CCM2: variants seen among roughly 807,000 people sequenced by gnomAD.
CCM2 encodes cerebral cavernous malformations 2 protein.
Under a neutral mutation model 44.9 loss-of-function variants are expected in CCM2, and 25 were observed. That is an observed-to-expected ratio of 0.56 (90% CI 0.41 to 0.78). The LOEUF is 0.78. Ranked by LOEUF, CCM2 falls within the 30% of genes least tolerant of loss-of-function variation. CCM2 has a pLI of 0.00. For missense variants in CCM2, 481 were observed against 580.6 expected (o/e 0.83, Z 1.76); for synonymous variants, 219 against 241.1 (o/e 0.91, Z 0.85).
chr7:45,046,251 A>G (rs1797749441), intron 2 of CCM2, among the ~76,000 whole-genome samples: 2 of 152,250 alleles, frequency 1.3e-5, no homozygotes, highest in Non-Finnish European at 2.9e-5. Flanking sequence ...ATTTCAAGCT[A>G]TTCTTGAAAT....
intron 2 of CCM2, among the ~76,000 whole-genome samples, chr7:45,058,699 G>C (rs1798381385): frequency 6.6e-6 from 1 of 152,018 alleles, no homozygotes; most frequent in South Asian, 2.1e-4. Context: ...ATGGGTGTTA[G>C]ATTTGTCAAA....
intron 1 of CCM2, among the ~76,000 whole-genome samples, chr7:45,037,061 A>T (rs575221384): frequency 6.6e-6 from 1 of 152,068 alleles, no homozygotes; most frequent in Non-Finnish European, 1.5e-5. Context: ...GCTGCACATC[A>T]GTGTCTTGTT....
intron 2 of CCM2, chr7:45,062,969 T>C (rs1375770170): frequency 6.6e-6 from 1 of 152,048 alleles, no homozygotes; most frequent in Admixed American, 6.6e-5. Context: ...GTCAAATTCA[T>C]CCTTTCATCA....
In CCM2 at chr7:45,000,311, CCGCG is replaced by C; in HGVS notation, c.-22_-19del. ...GGGCTCCCGGGGCGGGCCGGGCGGG[CCGCG>C]GGAGCCGCACGCGGCGATATGGAAG... is the stretch of plus-strand genomic sequence containing the variant. On this transcript the variant is annotated 5_prime_UTR_variant, in exon 1 of 10. Coordinates refer to ENST00000258781, the MANE Select transcript of CCM2 (RefSeq NM_031443.4). The C allele has an allele frequency of 8.0e-7, 1 of 1,255,976 alleles. No homozygotes were observed. Among genetic ancestry groups the C allele is most frequent in the African/African-American group, 1.6e-5 (1 of 63,422 alleles). The allele number at this position is 1,255,976 out of a possible 1,614,324, so 77.8% of individuals were successfully genotyped here. A position where few individuals can be genotyped will look rare whatever the true frequency, so the allele number is the denominator to read the frequency against.
At chr7:45,047,046 G>T (rs1261788296) in intron 2 of CCM2, among the ~76,000 whole-genome samples, 1 of 152,150 alleles carries the variant, frequency 6.6e-6, no homozygotes, top group Non-Finnish European at 1.5e-5. Flanking sequence ...CTAACAGAAT[G>T]TTTAAAAAAA....
intron 1 of CCM2, among the ~76,000 whole-genome samples, chr7:45,013,289 G>A (rs751026799): frequency 4.0e-5 from 6 of 151,420 alleles, no homozygotes; most frequent in Non-Finnish European, 5.9e-5. Context: ...CTTTCTATAC[G>A]TGTTATAAAT....
chr7:45,049,046 C>G (rs1225795446), intron 2 of CCM2, among the ~76,000 whole-genome samples: 1 of 152,200 alleles, frequency 6.6e-6, no homozygotes, highest in East Asian at 1.9e-4. Context: ...GCTTCAACTT[C>G]CCTGGGCTCA....
intron 1 of CCM2, among the ~76,000 whole-genome samples, chr7:45,010,454 A>C (rs950361906): frequency 6.6e-6 from 1 of 152,128 alleles, no homozygotes; most frequent in Non-Finnish European, 1.5e-5. Context: ...TTGTGCAGGG[A>C]TCACTGTACT....
At chr7:45,004,260 G>A (rs1469543028) in intron 1 of CCM2, among the ~76,000 whole-genome samples, 1 of 152,078 alleles carries the variant, frequency 6.6e-6, no homozygotes, top group Admixed American at 6.6e-5. Context: ...AATTTTGTTG[G>A]GTATGATAAT....
In CCM2 at chr7:45,068,983, G is replaced by A. The variant is rs551707225; in HGVS notation, c.609+404G>A. Among the ~76,000 whole-genome samples the A allele has an allele frequency of 3.9e-5, 6 of 152,298 alleles. No individual in the cohort carries two copies. In the South Asian group the frequency reaches 8.3e-4, roughly 21 times the overall value. ...GCCCCCACGCTGATGGGCGGGCAGCGGCGGTCACCTGTGCATCCTAGACCT... is the reference window on the plus strand; with the variant it reads ...GCCCCCACGCTGATGGGCGGGCAGCAGCGGTCACCTGTGCATCCTAGACCT... On this transcript the variant is annotated intron_variant, in intron 5 of 9. Transcript: ENST00000258781.
chr7:45,058,233 A>C (rs1240349766), intron 2 of CCM2, among the ~76,000 whole-genome samples: 1 of 152,206 alleles, frequency 6.6e-6, no homozygotes, highest in Non-Finnish European at 1.5e-5. Flanking sequence ...GTTAAATCAT[A>C]GTGATAAGAG....
At chr7:45,073,270 G>T in intron 7 of CCM2, 190 bp from the exon 8 acceptor site, 1 of 628,890 alleles carries the variant, frequency 1.6e-6, no homozygotes, top group Non-Finnish European at 2.9e-6. Flanking sequence ...CCCCCGGGGA[G>T]CCCCAGGACC....
intron 4 of CCM2, among the ~76,000 whole-genome samples, chr7:45,065,067 G>C (rs1163203779): frequency 6.6e-6 from 1 of 152,150 alleles, no homozygotes; most frequent in African/African-American, 2.4e-5. Context: ...GGACAGAAAA[G>C]ATGAGACCCA....
chr7:45,021,433 A>G (rs907614687), intron 1 of CCM2, among the ~76,000 whole-genome samples: 1 of 151,604 alleles, frequency 6.6e-6, no homozygotes, highest in Non-Finnish European at 1.5e-5. Flanking sequence ...GCATGGTGAC[A>G]CATGCCTGTA....
chr7:45,029,922 T>C (rs1328203116), intron 1 of CCM2, among the ~76,000 whole-genome samples: 3 of 152,238 alleles, frequency 2.0e-5, no homozygotes, highest in African/African-American at 7.2e-5. Context: ...TGTAAGAATT[T>C]GTAAGGATCT....
In CCM2 at chr7:45,000,218, C is replaced by A; in HGVS notation, c.-116C>A. On this transcript the variant is annotated 5_prime_UTR_variant, in exon 1 of 10. In the 5' UTR this introduces an upstream ATG that the reference lacks. Coordinates refer to ENST00000258781, the MANE Select transcript of CCM2 (RefSeq NM_031443.4). ...GCCGGGGCGGAGACTTCGGGCCCGG[C>A]TGGCGGGCGGCGCCGGGAGCGCGGG... The A allele has an allele frequency of 1.7e-6, 1 of 576,752 alleles. No individual in the cohort carries two copies. The highest frequency in any genetic ancestry group is 2.1e-6 in the Non-Finnish European group (1 of 469,502). The allele number at this position is 576,752 out of a possible 1,614,324, so 35.7% of individuals were successfully genotyped here.
chr7:45,037,791 G>T (rs1030827865), intron 1 of CCM2, among the ~76,000 whole-genome samples: 2 of 152,154 alleles, frequency 1.3e-5, no homozygotes, highest in African/African-American at 4.8e-5. Context: ...CCCCACTGGG[G>T]AAAGAATTGC....
At chr7:45,044,358 G>T (rs1405485772) in intron 2 of CCM2, among the ~76,000 whole-genome samples, 13 of 152,102 alleles carry the variant, frequency 8.5e-5, no homozygotes. Flanking sequence ...GGATGGTCTC[G>T]ATCTCCTGAC....
At chr7:45,060,024 T>A (rs1000569011) in intron 2 of CCM2, among the ~76,000 whole-genome samples, 1 of 152,222 alleles carries the variant, frequency 6.6e-6, no homozygotes, top group Non-Finnish European at 1.5e-5. Flanking sequence ...AATAAAAGAT[T>A]AATTTTACCT....
Sources: allele counts gnomAD v4.1 joint callset (sites outside exome capture counted in the v4.1 genomes callset), GRCh38; gene constraint gnomAD v4.1.1; transcripts MANE v1.5; gene names NCBI Gene and HGNC (gene_info 2026-07-23, HGNC 2026-07-21).